HCN1: variants seen among roughly 807,000 people sequenced by gnomAD.
The protein encoded by HCN1 is hyperpolarization activated cyclic nucleotide gated potassium channel 1, also known as potassium/sodium hyperpolarization-activated cyclic nucleotide-gated channel 1.
In HCN1, 13 loss-of-function variants were observed where a neutral mutation model predicts 78.9. The observed-to-expected ratio is 0.16, with a 90% CI of 0.11 to 0.26. The LOEUF (loss-of-function observed/expected upper bound fraction) is 0.26. Among genes scored for constraint, HCN1 ranks in the 10% least tolerant of loss-of-function variants. The pLI is 1.00. For missense variants in HCN1, 810 were observed against 1,154.3 expected (o/e 0.70, Z 4.32); for synonymous variants, 552 against 455.5 (o/e 1.21, Z -2.70).
chr5:45,271,805 A>G (rs1214856209), intron 6 of HCN1, among the ~76,000 whole-genome samples: 1 of 152,140 alleles, frequency 6.6e-6, no homozygotes, highest in Non-Finnish European at 1.5e-5. Context: ...CCTACGGAGC[A>G]ACTAAGGGCT....
intron 2 of HCN1, among the ~76,000 whole-genome samples, chr5:45,566,913 A>G (rs749555636): frequency 1.3e-5 from 2 of 152,182 alleles, no homozygotes; most frequent in East Asian, 3.9e-4. Context: ...ACATGAAGTA[A>G]AAGTGTCAGT....
chr5:45,502,576 C>T (rs1371035471), intron 2 of HCN1, among the ~76,000 whole-genome samples: 7 of 151,742 alleles, frequency 4.6e-5, no homozygotes, highest in East Asian at 1.9e-4. Context: ...TTTTTTTCTT[C>T]TTTATATTAG....
intron 3 of HCN1, among the ~76,000 whole-genome samples, chr5:45,408,259 T>G (rs1240896518): frequency 6.6e-6 from 1 of 152,200 alleles, no homozygotes; most frequent in Non-Finnish European, 1.5e-5. Flanking sequence ...GTCCTAGGCC[T>G]TCACGTTGCC....
At chr5:45,419,568 A>T (rs141043512) in intron 3 of HCN1, among the ~76,000 whole-genome samples, 12 of 152,294 alleles carry the variant, frequency 7.9e-5, no homozygotes, top group Non-Finnish European at 1.5e-4. Flanking sequence ...TTCTTCAGCT[A>T]CCTTTTGTTC....
chr5:45,420,964 C>T (rs982681327), intron 3 of HCN1, among the ~76,000 whole-genome samples: 1 of 152,220 alleles, frequency 6.6e-6, no homozygotes. Flanking sequence ...CCAAGAGAAA[C>T]TCCTGCACAA....
chr5:45,477,800 T>C (rs958341372), intron 2 of HCN1, among the ~76,000 whole-genome samples: 2 of 152,136 alleles, frequency 1.3e-5, no homozygotes, highest in African/African-American at 2.4e-5. Flanking sequence ...AATAAAAGTA[T>C]AAATGGTATT....
chr5:45,363,818 T>C (rs1188104999), intron 4 of HCN1, among the ~76,000 whole-genome samples: 2 of 152,038 alleles, frequency 1.3e-5, no homozygotes, highest in African/African-American at 2.4e-5. Flanking sequence ...GCCTTTCTCC[T>C]CCTGCCATGA....
intron 3 of HCN1, among the ~76,000 whole-genome samples, chr5:45,456,139 T>A (rs1459223898): frequency 6.6e-6 from 1 of 152,000 alleles, no homozygotes; most frequent in Non-Finnish European, 1.5e-5. Context: ...TCTATAGATA[T>A]GTAGAGAATT....
intron 2 of HCN1, among the ~76,000 whole-genome samples, chr5:45,631,381 C>T (rs991752229): frequency 1.3e-5 from 2 of 152,074 alleles, no homozygotes; most frequent in Non-Finnish European, 2.9e-5. Flanking sequence ...CTATCTATCT[C>T]CCTGTCAAAA....
intron 2 of HCN1, among the ~76,000 whole-genome samples, chr5:45,567,454 A>G (rs1288917556): frequency 6.6e-6 from 1 of 151,990 alleles, no homozygotes; most frequent in Non-Finnish European, 1.5e-5. Flanking sequence ...AGTGAATAGC[A>G]CTGAGCTGCT....
chr5:45,562,502 T>C (rs1743625025), intron 2 of HCN1, among the ~76,000 whole-genome samples: 2 of 125,772 alleles, frequency 1.6e-5, no homozygotes, highest in South Asian at 5.1e-4. Flanking sequence ...TGAGACCCCA[T>C]GTCTACAAAA....
chr5:45,277,094 C>T (rs931579797), intron 6 of HCN1, among the ~76,000 whole-genome samples: 1 of 151,958 alleles, frequency 6.6e-6, no homozygotes, highest in Non-Finnish European at 1.5e-5. Context: ...GGAAAAACTT[C>T]GTGTGCAAAA....
chr5:45,466,783 T>C (rs989326674), intron 2 of HCN1, among the ~76,000 whole-genome samples: 21 of 152,274 alleles, frequency 1.4e-4, no homozygotes, highest in African/African-American at 4.8e-4. Flanking sequence ...CATCTTTCCA[T>C]GCTTTAGGTA....
chr5:45,652,146 T>C (rs1003407613), intron 1 of HCN1, among the ~76,000 whole-genome samples: 3 of 151,994 alleles, frequency 2.0e-5, no homozygotes, highest in Non-Finnish European at 4.4e-5. Context: ...TTAAGTTGTG[T>C]ACCAATCCAA....
intron 3 of HCN1, among the ~76,000 whole-genome samples, chr5:45,452,758 A>G (rs980522855): frequency 2.6e-5 from 4 of 152,180 alleles, no homozygotes; most frequent in Admixed American, 2.6e-4. Flanking sequence ...AATAGCTGAA[A>G]TAAGTTAAAG....
intron 3 of HCN1, among the ~76,000 whole-genome samples, chr5:45,413,462 T>C (rs1311117274): frequency 6.6e-6 from 1 of 152,046 alleles, no homozygotes; most frequent in Non-Finnish European, 1.5e-5. Context: ...AACACATTGA[T>C]AATGACATAG....
intron 6 of HCN1, among the ~76,000 whole-genome samples, chr5:45,291,952 A>G (rs953458591): frequency 2.0e-5 from 3 of 152,024 alleles, no homozygotes; most frequent in African/African-American, 7.2e-5. Flanking sequence ...TGTTTATTTT[A>G]TGTCCTTTCA....
chr5:45,650,883 C>G (rs1018276647), intron 1 of HCN1, among the ~76,000 whole-genome samples: 2 of 151,882 alleles, frequency 1.3e-5, no homozygotes, highest in African/African-American at 4.8e-5. Flanking sequence ...GGTTTCCCAG[C>G]CCCAGTTGCT....
At chr5:45,506,510 T>A (rs1742304328) in intron 2 of HCN1, among the ~76,000 whole-genome samples, 1 of 152,080 alleles carries the variant, frequency 6.6e-6, no homozygotes, top group Non-Finnish European at 1.5e-5. Context: ...ATTTTTTAAT[T>A]TAATAAAAAA....
Sources: gnomAD v4.1 joint callset for allele counts (sites outside exome capture counted in the v4.1 genomes callset) on GRCh38, gnomAD v4.1.1 for gene constraint, MANE v1.5 for transcripts, NCBI Gene and HGNC (gene_info 2026-07-23, HGNC 2026-07-21) for gene names.